Variants in GALNTL6 observed in about 807,000 individuals in gnomAD.
The protein encoded by GALNTL6 is polypeptide N-acetylgalactosaminyltransferase like 6.
GALNTL6 carries 46 observed loss-of-function variants against 73.7 expected under a neutral mutation model. The observed-to-expected ratio is 0.62, with a 90% confidence interval of 0.49 to 0.80. The LOEUF (loss-of-function observed/expected upper bound fraction) is 0.80, where lower values mean the gene tolerates loss of function less well. GALNTL6 is among the 30% of genes least tolerant of loss of function. The pLI is 0.00. For missense variants in GALNTL6, 604 were observed against 755.0 expected (o/e 0.80, Z 2.34); for synonymous variants, 259 against 263.7 (o/e 0.98, Z 0.17).
intron 2 of GALNTL6, among the ~76,000 whole-genome samples, chr4:172,206,933 T>G (rs1288068371): frequency 6.6e-6 from 1 of 150,912 alleles, no homozygotes; most frequent in Non-Finnish European, 1.5e-5. Context: ...TTCTCGTGCC[T>G]CAGCCTCCCG....
intron 2 of GALNTL6, among the ~76,000 whole-genome samples, chr4:172,024,955 T>C (rs1487999035): frequency 1.3e-5 from 2 of 151,836 alleles, no homozygotes; most frequent in Non-Finnish European, 2.9e-5. Context: ...AAGAAAAGTC[T>C]AAGAACAAAA....
At chr4:171,847,233 A>G (rs1406503568) in intron 2 of GALNTL6, among the ~76,000 whole-genome samples, 1 of 152,086 alleles carries the variant, frequency 6.6e-6, no homozygotes, top group Admixed American at 6.6e-5. Context: ...CATATTTTTG[A>G]GTTTCCCAGT....
chr4:172,366,333 A>G (rs1742557091), intron 5 of GALNTL6, among the ~76,000 whole-genome samples: 1 of 152,196 alleles, frequency 6.6e-6, no homozygotes, highest in Non-Finnish European at 1.5e-5. Flanking sequence ...CTACAAAAGC[A>G]GTTCTGGCTA....
chr4:171,929,757 CCT>C (rs532483284), intron 2 of GALNTL6, among the ~76,000 whole-genome samples: 143 of 152,288 alleles, frequency 9.4e-4, no homozygotes, highest in South Asian at 1.7e-3. Context: ...TGAAAGGGGC[CCT>C]GCCTTCCTGG....
At chr4:172,900,809 C>A (rs1008906479) in intron 8 of GALNTL6, among the ~76,000 whole-genome samples, 4 of 152,084 alleles carry the variant, frequency 2.6e-5, no homozygotes, top group African/African-American at 9.7e-5. Context: ...CAAGAGATAC[C>A]TGGCTTTGAA....
Position 172,667,682 on chromosome 4 carries a change from G to A in GALNTL6, c.554-141679G>A, listed in dbSNP as rs969944698. The stretch of plus-strand genomic sequence containing the variant: ...CAAAGACCCTTCACAGTAGTTCCTC[G>A]ATTCACGTTAGATTAAATCAGCAGG... On this transcript the variant is annotated intron_variant, in intron 5 of 12. Coordinates refer to ENST00000506823, the MANE Select transcript of GALNTL6 (RefSeq NM_001034845.3). 3.9e-5 allele frequency: 6 copies of A among 152,192 alleles called. 1 individual carries two copies. In the East Asian group the frequency reaches 5.8e-4, roughly 15 times the overall value. 9.4% of individuals were successfully genotyped at this position (152,192 alleles called of 1,614,324 possible). A position where few individuals can be genotyped will look rare whatever the true frequency, so the allele number is the denominator to read the frequency against.
At chr4:172,164,391 G>A (rs914644408) in intron 2 of GALNTL6, among the ~76,000 whole-genome samples, 1 of 151,816 alleles carries the variant, frequency 6.6e-6, no homozygotes, top group Non-Finnish European at 1.5e-5. Flanking sequence ...AGAAATAACT[G>A]TAAATTTTCA....
intron 5 of GALNTL6, among the ~76,000 whole-genome samples, chr4:172,421,840 T>G (rs1197146822): frequency 1.3e-5 from 2 of 152,070 alleles, no homozygotes; most frequent in Non-Finnish European, 2.9e-5. Context: ...CCCCCAGACA[T>G]GCATAAAATA....
At chr4:172,073,864 T>C (rs189231421) in intron 2 of GALNTL6, among the ~76,000 whole-genome samples, 131 of 152,290 alleles carry the variant, frequency 8.6e-4, no homozygotes, top group Non-Finnish European at 3.7e-4. Flanking sequence ...AGGGACTCTG[T>C]AAGTCAAAGC....
intron 2 of GALNTL6, among the ~76,000 whole-genome samples, chr4:171,859,431 CT>C (rs1415657377): frequency 2.6e-5 from 4 of 152,032 alleles, no homozygotes; most frequent in Non-Finnish European, 5.9e-5. Context: ...ATAATGTCCC[CT>C]TGAGTCCCTT....
chr4:172,633,822 C>A (rs1159387873), intron 5 of GALNTL6, among the ~76,000 whole-genome samples: 3 of 152,180 alleles, frequency 2.0e-5, no homozygotes, highest in Admixed American at 2.0e-4. Flanking sequence ...TTTGCCCATA[C>A]TGTTCTCGTG....
At chr4:172,088,324 G>A (rs1410401839) in intron 2 of GALNTL6, among the ~76,000 whole-genome samples, 1 of 152,056 alleles carries the variant, frequency 6.6e-6, no homozygotes, top group Admixed American at 6.6e-5. Flanking sequence ...ATGTGTAGGG[G>A]TGAAGGTTCA....
At chr4:172,834,849 T>A (rs925843004) in intron 7 of GALNTL6, among the ~76,000 whole-genome samples, 1 of 152,204 alleles carries the variant, frequency 6.6e-6, no homozygotes, top group African/African-American at 2.4e-5. Flanking sequence ...AAAACAATGT[T>A]CTCTATCTTC....
At chr4:172,724,011 G>A (rs1364028375) in intron 5 of GALNTL6, among the ~76,000 whole-genome samples, 4 of 152,090 alleles carry the variant, frequency 2.6e-5, no homozygotes, top group Non-Finnish European at 5.9e-5. Flanking sequence ...TCTGGGTCTG[G>A]CAAAATGTCA....
At chr4:172,129,700 A>T (rs1440777588) in intron 2 of GALNTL6, among the ~76,000 whole-genome samples, 1 of 152,238 alleles carries the variant, frequency 6.6e-6, no homozygotes, top group Non-Finnish European at 1.5e-5. Context: ...CAGAAGAGAC[A>T]TGCCTCACAG....
intron 2 of GALNTL6, among the ~76,000 whole-genome samples, chr4:171,956,440 A>G (rs414428): frequency 0.48 from 72,317 of 151,980 alleles, 17,703 homozygotes; most frequent in Middle Eastern, 0.6. Context: ...ACTTCTTTGT[A>G]TATGACAGGG....
At chr4:172,177,791 A>ATATATATACACACACATATATGTGAGTG (rs1735075815) in intron 2 of GALNTL6, among the ~76,000 whole-genome samples, 1 of 101,738 alleles carries the variant, frequency 9.8e-6, no homozygotes, top group Non-Finnish European at 2.1e-5. Flanking sequence ...ACACATGTGT[A>ATATATATACACACACATATATGTGAGTG]TATATATACA....
At chr4:172,255,339 G>A (rs1738035687) in intron 3 of GALNTL6, among the ~76,000 whole-genome samples, 1 of 119,396 alleles carries the variant, frequency 8.4e-6, no homozygotes, top group Admixed American at 8.7e-5. Flanking sequence ...AAAAATCATT[G>A]GTAGAGCCTG....
In GALNTL6 at chr4:172,870,076, A is replaced by ATCC. The variant is rs554343817; in HGVS notation, c.924-12712_924-12711insCTC. On this transcript the variant is annotated intron_variant, in intron 7 of 12. Transcript: ENST00000506823. Reference sequence around the variant, plus strand: ...TGTCATCATCATCATCATCATCATCATCATCATCATCATCATCAGGTGTTT... The same window carrying ATCC: ...TGTCATCATCATCATCATCATCATCATCCTCATCATCATCATCATCAGGTGTTT... Among the ~76,000 whole-genome samples, 657 of 147,930 alleles carry ATCC rather than the reference A, an allele frequency of 4.4e-3. 9 individuals are homozygous for ATCC. The highest frequency in any genetic ancestry group is 0.016 in the African/African-American group (625 of 39,876).
Sources: gnomAD v4.1 joint callset for allele counts (sites outside exome capture counted in the v4.1 genomes callset) on GRCh38, gnomAD v4.1.1 for gene constraint, MANE v1.5 for transcripts, NCBI Gene and HGNC (gene_info 2026-07-23, HGNC 2026-07-21) for gene names.